DCAF1: variants seen among roughly 807,000 people sequenced by gnomAD.
DCAF1 encodes DDB1- and CUL4-associated factor 1.
Under a neutral mutation model 128.0 loss-of-function variants are expected in DCAF1, and 15 were observed. The observed-to-expected ratio is 0.12, with a 90% CI of 0.08 to 0.18. The LOEUF is 0.18. DCAF1 is among the 10% of genes least tolerant of loss of function. The pLI is 1.00. For missense variants in DCAF1, 988 were observed against 1,649.5 expected (o/e 0.60, Z 6.95); for synonymous variants, 610 against 603.0 (o/e 1.01, Z -0.17).
chr3:51,446,658 T>G (rs1459044706), intron 6 of DCAF1, among the ~76,000 whole-genome samples: 1 of 150,956 alleles, frequency 6.6e-6, no homozygotes, highest in African/African-American at 2.4e-5. Context: ...AAAATAAATT[T>G]AAAAATGAAA....
At chr3:51,465,605 G>A (rs1032274797) in intron 5 of DCAF1, among the ~76,000 whole-genome samples, 1 of 151,958 alleles carries the variant, frequency 6.6e-6, no homozygotes, top group Non-Finnish European at 1.5e-5. Flanking sequence ...TTAGCCTGGC[G>A]TGGTGGTGCA....
intron 6 of DCAF1, among the ~76,000 whole-genome samples, chr3:51,456,676 C>G (rs1186425487): frequency 3.3e-5 from 5 of 152,206 alleles, no homozygotes; most frequent in Admixed American, 6.5e-5. Context: ...TAGGGGCGGA[C>G]TGACACCTCA....
intron 6 of DCAF1, among the ~76,000 whole-genome samples, chr3:51,454,895 G>T (rs774324571): frequency 6.6e-6 from 1 of 150,920 alleles, no homozygotes; most frequent in Admixed American, 6.6e-5. Context: ...GGATGGTCTC[G>T]ATCTCCTAAC....
At chr3:51,419,544 A>AT (rs1228955796) in intron 15 of DCAF1, among the ~76,000 whole-genome samples, 190 bp downstream of exon 15, 2 of 152,222 alleles carry the variant, frequency 1.3e-5, no homozygotes, top group Non-Finnish European at 2.9e-5. Flanking sequence ...ACAAACGATT[A>AT]TATCAATATA....
intron 18 of DCAF1, 33 bp from the exon 19 acceptor site, chr3:51,414,890 C>A: frequency 6.3e-7 from 1 of 1,595,196 alleles, no homozygotes; most frequent in East Asian, 2.2e-5. Context: ...AGAGAAAAAT[C>A]AGACCAATCC....
At chr3:51,415,633 G>A (rs904372202) in intron 18 of DCAF1, among the ~76,000 whole-genome samples, 1 of 152,040 alleles carries the variant, frequency 6.6e-6, no homozygotes. Context: ...GGTTACTCAG[G>A]CTGGAGTACA....
At chr3:51,444,079 T>C (rs1313959473) in intron 6 of DCAF1, among the ~76,000 whole-genome samples, 176 bp from the exon 7 acceptor site, 10 of 152,128 alleles carry the variant, frequency 6.6e-5, no homozygotes, top group African/African-American at 2.4e-4. Context: ...ATCTGTGCAA[T>C]AGAAGCCTAT....
intron 4 of DCAF1, 93 bp from the exon 5 acceptor site, chr3:51,466,969 T>C: frequency 3.1e-6 from 3 of 961,864 alleles, no homozygotes; most frequent in Non-Finnish European, 3.2e-6. Flanking sequence ...TGGGTTGTTA[T>C]AAGCACTAAT....
rs1465436032 is a variant in DCAF1 at position 51,418,130 on chromosome 3, T to A, written c.3504A>T (p.Ser1168=). 1.2e-6 allele frequency: 2 copies of A among 1,612,260 alleles called. No individual in the cohort carries two copies. The highest frequency in any genetic ancestry group is 3.3e-5 in the Admixed American group (2 of 59,802). ...QPLSALWGMK[S]VFDMKHSFTE... is the part of the protein sequence containing the mutation. Reference sequence around the variant, plus strand: ...CAGATACATACTTCATATCAAATACTGACTTCATTCCCCAAAGTGCAGACA... The same window carrying A: ...CAGATACATACTTCATATCAAATACAGACTTCATTCCCCAAAGTGCAGACA... Residue 1168 remains serine, a synonymous_variant, in exon 17 of 25, where the codon TCA becomes TCT. Coordinates refer to ENST00000684031, the MANE Select transcript of DCAF1 (RefSeq NM_001387579.1).
chr3:51,406,753 A>C (rs1423608241), intron 23 of DCAF1, among the ~76,000 whole-genome samples: 1 of 152,088 alleles, frequency 6.6e-6, no homozygotes, highest in East Asian at 1.9e-4. Context: ...CTGGATCTCA[A>C]CCAACCCTGA....
intron 3 of DCAF1, among the ~76,000 whole-genome samples, chr3:51,478,021 T>C (rs782114726): frequency 6.6e-6 from 1 of 152,152 alleles, no homozygotes; most frequent in Non-Finnish European, 1.5e-5. Context: ...GTTGTTGTTG[T>C]TGTTGAGACA....
Position 51,499,946 on chromosome 3 carries a change from G to A in DCAF1, c.-129C>T, listed in dbSNP as rs1553663493. 1 of 139,116 alleles carries A rather than the reference G, an allele frequency of 7.2e-6. No homozygotes were observed. Among genetic ancestry groups the A allele is most frequent in the Non-Finnish European group, 1.6e-5 (1 of 64,280 alleles). 8.6% of individuals were successfully genotyped at this position (139,116 alleles called of 1,614,324 possible). A position where few individuals can be genotyped will look rare whatever the true frequency, so the allele number is the denominator to read the frequency against. On this transcript the variant is annotated 5_prime_UTR_variant, in exon 1 of 25. Transcript: ENST00000684031. ...ACAGTTCACACACACACAGCCTCAG[G>A]TCCCGCACTCACTCTCCACTCACAC...
At chr3:51,466,694 T>G (rs1704164095) in intron 5 of DCAF1, 109 bp downstream of exon 5, 1 of 1,065,872 alleles carries the variant, frequency 9.4e-7, no homozygotes. Context: ...AAAACTCTAC[T>G]CCCAACTTTG....
intron 2 of DCAF1, among the ~76,000 whole-genome samples, chr3:51,486,930 C>G (rs967910349): frequency 9.9e-5 from 15 of 151,440 alleles, no homozygotes; most frequent in African/African-American, 3.6e-4. Context: ...CTGTGCTTGG[C>G]CTCGATAAAT....
chr3:51,412,919 A>G, intron 22 of DCAF1, 74 bp downstream of exon 22: 1 of 1,579,826 alleles, frequency 6.3e-7, no homozygotes, highest in Non-Finnish European at 8.6e-7. Flanking sequence ...ATCAGACAAA[A>G]TGTCTGTAGT....
At position 51,413,331 on chromosome 3, in the gene DCAF1, G is replaced by C; in HGVS notation, c.3987C>G (p.Pro1329=). The part of the protein sequence containing the change: ...DDLMEERMKS[P]FGSSFRTFNA... ...TAAATGTTCGGAAGGATGACCCAAA[G>C]GGGCTTTTCATCCTCTCTTCCATTA... is the stretch of plus-strand genomic sequence containing the variant. Residue 1329 remains proline (P), a synonymous_variant, in exon 21 of 25, where the codon CCC becomes CCG. Coordinates refer to ENST00000684031, the MANE Select transcript of DCAF1 (RefSeq NM_001387579.1). 6.2e-7 allele frequency: 1 copy of C among 1,613,664 alleles called. No individual in the cohort carries two copies. Among genetic ancestry groups the C allele is most frequent in the Non-Finnish European group, 8.5e-7 (1 of 1,179,790 alleles).
intron 23 of DCAF1, among the ~76,000 whole-genome samples, chr3:51,409,171 G>A (rs1698173682): frequency 6.6e-6 from 1 of 152,186 alleles, no homozygotes; most frequent in Non-Finnish European, 1.5e-5. Context: ...GACAAAAGAA[G>A]AAGAATTAGT....
At position 51,483,820 on chromosome 3, in the gene DCAF1, T is replaced by G; in HGVS notation, c.9A>C (p.Thr3=). The part of the protein sequence containing the change: MT[T]VVVHVDSKAE... ...CTTTGGAGTCCACATGTACCACTAC[T>G]GTAGTCATGGCTTTGCCTAAGGAAG... Residue 3 remains threonine (T), a synonymous_variant, in exon 3 of 25, where the codon ACA becomes ACC. Coordinates refer to ENST00000684031, the MANE Select transcript of DCAF1 (RefSeq NM_001387579.1). 6.2e-7 allele frequency: 1 copy of G among 1,613,120 alleles called. No homozygotes were observed.
At chr3:51,492,854 C>A (rs1157376077) in intron 2 of DCAF1, among the ~76,000 whole-genome samples, 1 of 151,532 alleles carries the variant, frequency 6.6e-6, no homozygotes, top group Non-Finnish European at 1.5e-5. Context: ...ATTAGCTGGG[C>A]GTGGTGGCAG....
Sources: gnomAD v4.1 joint callset for allele counts (sites outside exome capture counted in the v4.1 genomes callset) on GRCh38, gnomAD v4.1.1 for gene constraint, MANE v1.5 for transcripts, NCBI Gene and HGNC (gene_info 2026-07-23, HGNC 2026-07-21) for gene names.